The following ST7 variants were observed in gnomAD, a reference collection of about 807,000 sequenced individuals.
The protein encoded by ST7 is suppression of tumorigenicity 7, also known as suppressor of tumorigenicity 7 protein.
ST7 carries 28 observed loss-of-function variants against 78.7 expected under a neutral mutation model. The observed-to-expected ratio is 0.36, with a 90% CI of 0.26 to 0.49. ST7 has a LOEUF of 0.49. Ranked by LOEUF, ST7 falls within the 20% of genes least tolerant of loss-of-function variation. The probability of loss-of-function intolerance (pLI) is 0.99; values close to 1 mark genes in which losing one functional copy is unlikely to be tolerated. For synonymous variants in ST7, 247 were observed against 249.6 expected (o/e 0.99, Z 0.10); for missense variants, 418 against 696.0 (o/e 0.60, Z 4.49).
intron 3 of ST7, among the ~76,000 whole-genome samples, chr7:117,126,624 T>C (rs1418743008): frequency 6.6e-6 from 1 of 151,862 alleles, no homozygotes; most frequent in Non-Finnish European, 1.5e-5. Flanking sequence ...CACAGTCTTA[T>C]GAGTGATGGG....
At chr7:117,046,163 GT>G (rs1001349731) in intron 1 of ST7, among the ~76,000 whole-genome samples, 1 of 150,952 alleles carries the variant, frequency 6.6e-6, no homozygotes, top group Admixed American at 6.6e-5. Flanking sequence ...TGTTGGTGGT[GT>G]TTTTTTTTGA....
Position 117,221,963 on chromosome 7 carries a change from C to G in ST7, c.1539C>G (p.Pro513=). Residue 513 remains proline (P), a synonymous_variant, in exon 15 of 16, where the codon CCC becomes CCG. Transcript: ENST00000323984. ...EVSVYPKKEL[P]FFILFTAGLC... ...CAGTTTACCCAAAGAAGGAGCTTCC[C>G]TTCTTTATTCTCTTTACTGCTGGAT... 1.2e-6 allele frequency: 2 copies of G among 1,612,210 alleles called. No individual in the cohort carries two copies. Among genetic ancestry groups the G allele is most frequent in the African/African-American group, 2.7e-5 (2 of 74,824 alleles).
At chr7:117,045,970 G>T (rs1237649943) in intron 1 of ST7, among the ~76,000 whole-genome samples, 1 of 152,152 alleles carries the variant, frequency 6.6e-6, no homozygotes, top group East Asian at 1.9e-4. Flanking sequence ...TTGAGCAGTT[G>T]TTTTATACCA....
In ST7 at chr7:117,152,184, TATATATATATATATATATATA is replaced by T. The variant is rs202005125; in HGVS notation, c.963+13653_963+13673del. Among the ~76,000 whole-genome samples, 5 of 68,184 alleles carry T rather than the reference TATATATATATATATATATATA, an allele frequency of 7.3e-5. 1 individual carries two copies. In the East Asian group the frequency reaches 9.6e-4, roughly 13 times the overall value. The allele number at this position is 68,184 out of a possible 152,430, so 44.7% of individuals were successfully genotyped here. Reference sequence around the variant, plus strand: ...GTATTATATATATAAAAACTATATATATATATATATATATATATATATATATATATATATATATACCATGAA... The same window carrying T: ...GTATTATATATATAAAAACTATATATTATATATATATATATATACCATGAA... On this transcript the variant is annotated intron_variant, in intron 9 of 15. Transcript: ENST00000323984.
chr7:117,064,913 A>C (rs1197803638), intron 1 of ST7, among the ~76,000 whole-genome samples: 1 of 152,168 alleles, frequency 6.6e-6, no homozygotes, highest in African/African-American at 2.4e-5. Context: ...ATCCTCATTA[A>C]AACAAAACAC....
intron 1 of ST7, among the ~76,000 whole-genome samples, chr7:116,962,006 A>G (rs554644386): frequency 6.7e-6 from 1 of 150,126 alleles, no homozygotes; most frequent in Non-Finnish European, 1.5e-5. Context: ...TCATTGTTCA[A>G]CTCTGACTTA....
chr7:117,144,366 A>T lies in ST7; in HGVS notation c.963+5834A>T, dbSNP rs184645246. On this transcript the variant is annotated intron_variant, in intron 9 of 15. Transcript: ENST00000323984. ...TGTCAGACACTCCTCAGTGGCTCAC[A>T]CTTGTAATCCCAGCACTTTGGGAGG... The T allele has an allele frequency of 2.6e-5, 4 of 152,080 alleles. No homozygotes were observed. In the East Asian group the frequency reaches 7.7e-4, roughly 29 times the overall value. 9.4% of individuals were successfully genotyped at this position (152,080 alleles called of 1,614,324 possible).
intron 9 of ST7, among the ~76,000 whole-genome samples, chr7:117,141,870 A>G (rs370307071): frequency 2.0e-5 from 3 of 152,020 alleles, no homozygotes; most frequent in Admixed American, 1.3e-4. Flanking sequence ...GGGTTTTGCT[A>G]TGTTGCCCAG....
chr7:117,114,311 G>T (rs1394579465), intron 2 of ST7, among the ~76,000 whole-genome samples: 1 of 150,868 alleles, frequency 6.6e-6, no homozygotes. Context: ...TATACTTTAG[G>T]ATCAAAAAAG....
rs574324034 is a variant in ST7, at chr7:117,084,860, A to G, written c.152-14902A>G. 9.2e-5 allele frequency among the ~76,000 whole-genome samples: 14 copies of G among 152,322 alleles called. 1 individual carries two copies. The highest frequency in any genetic ancestry group is 6.5e-4 in the Admixed American group (10 of 15,300). ...GGAACCAGGGAGCATTCTATTTTTC[A>G]TTCTAATTTGAGAATAAAATTATAT... is the stretch of plus-strand genomic sequence containing the variant. On this transcript the variant is annotated intron_variant, in intron 1 of 15. Transcript: ENST00000323984.
chr7:117,181,275 C>T (rs1044231067), intron 10 of ST7, among the ~76,000 whole-genome samples: 1 of 152,132 alleles, frequency 6.6e-6, no homozygotes, highest in African/African-American at 2.4e-5. Context: ...AAGCTAAAGT[C>T]TCCCACATTA....
intron 12 of ST7, among the ~76,000 whole-genome samples, chr7:117,197,437 G>T (rs1284812930): frequency 6.6e-6 from 1 of 152,166 alleles, no homozygotes; most frequent in Non-Finnish European, 1.5e-5. Flanking sequence ...CCTTAGGGTA[G>T]ATTTAAAGAA....
intron 2 of ST7, among the ~76,000 whole-genome samples, chr7:117,101,237 C>G (rs941867280): frequency 3.3e-5 from 5 of 152,160 alleles, no homozygotes; most frequent in African/African-American, 9.7e-5. Context: ...TAAATGTCCT[C>G]CCACACATCT....
intron 1 of ST7, among the ~76,000 whole-genome samples, chr7:116,981,291 G>T (rs1793948957): frequency 6.6e-6 from 1 of 151,920 alleles, no homozygotes; most frequent in Admixed American, 6.6e-5. Flanking sequence ...TGTAATTTTT[G>T]TAGAGCTGGG....
chr7:117,151,247 G>C (rs981944987), intron 9 of ST7, among the ~76,000 whole-genome samples: 1 of 152,206 alleles, frequency 6.6e-6, no homozygotes, highest in Non-Finnish European at 1.5e-5. Context: ...TGCAAACTCT[G>C]TATGTGGTCT....
chr7:116,963,654 C>T (rs557544385), intron 1 of ST7, among the ~76,000 whole-genome samples: 6 of 139,730 alleles, frequency 4.3e-5, no homozygotes, highest in Admixed American at 7.5e-5. Context: ...TTTTTGGAGA[C>T]GGAGTCTCAC....
intron 1 of ST7, among the ~76,000 whole-genome samples, chr7:117,084,911 C>CG (rs1563068965): frequency 2.0e-5 from 3 of 152,040 alleles, no homozygotes; most frequent in Admixed American, 2.0e-4. Flanking sequence ...TTCTCAAAAG[C>CG]GGTAGGAGCA....
At position 117,190,652 on chromosome 7, in the gene ST7, T is replaced by G; in HGVS notation, c.1152-182T>G. 6.6e-6 allele frequency among the ~76,000 whole-genome samples: 1 copy of G among 152,176 alleles called. No individual in the cohort carries two copies. Among genetic ancestry groups the G allele is most frequent in the East Asian group, 1.9e-4 (1 of 5,188 alleles). On this transcript the variant is annotated intron_variant, in intron 11 of 15. Coordinates refer to ENST00000323984, the MANE Select transcript of ST7 (RefSeq NM_001369598.1). The surrounding 1 kb of genome is among the most constrained non-coding windows in gnomAD (Gnocchi z 5.2). ...ACTAGATGCAAGCACGCTTTCTGCT[T>G]CTGCTGGGGTTTTTGCTGGCCTCGG...
At chr7:116,992,942 A>G (rs764334468) in intron 1 of ST7, among the ~76,000 whole-genome samples, 3 of 152,198 alleles carry the variant, frequency 2.0e-5, no homozygotes, top group Non-Finnish European at 4.4e-5. Flanking sequence ...CTTTGGTAAA[A>G]CATAATAAGA....
Sources: gnomAD v4.1 joint callset for allele counts (sites outside exome capture counted in the v4.1 genomes callset) on GRCh38, gnomAD v4.1.1 for gene constraint, Gnocchi (gnomAD v3.1) non-coding constraint, MANE v1.5 for transcripts, NCBI Gene and HGNC (gene_info 2026-07-23, HGNC 2026-07-21) for gene names.